The following ARHGEF4 variants were observed in gnomAD, a reference collection of about 807,000 sequenced individuals.
ARHGEF4 encodes the protein APC-stimulated guanine nucleotide exchange factor 1.
ARHGEF4 carries 119 observed loss-of-function variants against 162.0 expected under a neutral mutation model. The ratio of observed to expected loss-of-function variants is 0.73; its 90% CI spans 0.63 to 0.86. ARHGEF4 has a LOEUF of 0.86. Ranked by LOEUF, ARHGEF4 falls within the 40% of genes least tolerant of loss-of-function variation. The pLI is 0.00. For missense variants in ARHGEF4, 2,488 were observed against 2,456.0 expected, an observed-to-expected ratio of 1.01 and a Z score of -0.28; for synonymous variants, 1,014 against 979.9, an observed-to-expected ratio of 1.03 and a Z score of -0.65.
chr2:130,987,704 C>T (rs112301582), intron 4 of ARHGEF4, among the ~76,000 whole-genome samples: 5,070 of 152,280 alleles, frequency 0.033, 224 homozygotes, highest in African/African-American at 0.11. Context: ...GCTGGCATCA[C>T]CTCTCACTGG....
intron 4 of ARHGEF4, among the ~76,000 whole-genome samples, chr2:130,962,587 G>A (rs1684692255): frequency 6.6e-6 from 1 of 152,140 alleles, no homozygotes. Context: ...AGAGCTTGGA[G>A]CACATATAGC....
At chr2:130,875,659 C>G (rs1472450699) in intron 1 of ARHGEF4, among the ~76,000 whole-genome samples, 1 of 152,216 alleles carries the variant, frequency 6.6e-6, no homozygotes, top group Non-Finnish European at 1.5e-5. Flanking sequence ...CAAATCACCT[C>G]TTAGATTTCG....
At chr2:131,026,881 G>A (rs1030968435) in intron 4 of ARHGEF4, among the ~76,000 whole-genome samples, 1 of 152,176 alleles carries the variant, frequency 6.6e-6, no homozygotes, top group African/African-American at 2.4e-5. Flanking sequence ...TTCACACCAG[G>A]GGTGGTGATT....
chr2:130,876,485 CG>C (rs1678853631), intron 1 of ARHGEF4, among the ~76,000 whole-genome samples: 1 of 152,052 alleles, frequency 6.6e-6, no homozygotes. Context: ...TCCGCCTCCT[CG>C]GTTCACGCCA....
At chr2:130,974,701 A>G (rs61329799) in intron 4 of ARHGEF4, among the ~76,000 whole-genome samples, 32,919 of 151,386 alleles carry the variant, frequency 0.22, 3,889 homozygotes, top group South Asian at 0.32. Context: ...AGCTCAAGCA[A>G]TCCACCCGCC....
chr2:130,910,997 A>G (rs929920558), intron 1 of ARHGEF4, among the ~76,000 whole-genome samples: 1 of 152,240 alleles, frequency 6.6e-6, no homozygotes, highest in Non-Finnish European at 1.5e-5. Flanking sequence ...TGAATGACAC[A>G]TAGGAAAGTG....
chr2:130,992,883 AGACCAGCCT>A (rs1279907224), intron 4 of ARHGEF4, among the ~76,000 whole-genome samples: 1 of 152,246 alleles, frequency 6.6e-6, no homozygotes, highest in Non-Finnish European at 1.5e-5. Flanking sequence ...CAGGGATTCG[AGACCAGCCT>A]GGCCAGCATG....
At chr2:130,941,143 A>T (rs1335837732) in intron 3 of ARHGEF4, among the ~76,000 whole-genome samples, 1 of 152,166 alleles carries the variant, frequency 6.6e-6, no homozygotes, top group Non-Finnish European at 1.5e-5. Flanking sequence ...ACGGATATTC[A>T]GTTGGCCCTT....
At chr2:130,920,962 C>G (rs368042225) in intron 2 of ARHGEF4, among the ~76,000 whole-genome samples, 62 of 152,234 alleles carry the variant, frequency 4.1e-4, no homozygotes, top group African/African-American at 1.5e-3. Flanking sequence ...ACTGGATGAC[C>G]TCCACCAGGT....
At chr2:131,030,373 G>A (rs2105374091) in intron 5 of ARHGEF4, among the ~76,000 whole-genome samples, 1 of 152,316 alleles carries the variant, frequency 6.6e-6, no homozygotes, top group African/African-American at 2.4e-5. Flanking sequence ...TGAGGGAAAG[G>A]CAGGCAATTT....
chr2:130,883,748 G>T (rs981404140), intron 1 of ARHGEF4, among the ~76,000 whole-genome samples: 3 of 152,048 alleles, frequency 2.0e-5, no homozygotes, highest in Admixed American at 2.0e-4. Flanking sequence ...GCAGCCGTGG[G>T]CACACTGGTC....
chr2:131,041,531 T>C (rs1256027389), intron 9 of ARHGEF4, 69 bp downstream of exon 9: 2 of 1,488,270 alleles, frequency 1.3e-6, no homozygotes, highest in Non-Finnish European at 1.8e-6. Flanking sequence ...GTTTGAGCAT[T>C]AGCAGTGTGC....
chr2:130,959,419 G>C (rs1457330019), intron 4 of ARHGEF4, among the ~76,000 whole-genome samples: 7 of 152,214 alleles, frequency 4.6e-5, no homozygotes, highest in Non-Finnish European at 7.3e-5. Context: ...TTCAAAGCAT[G>C]AGTGGCGAGC....
intron 1 of ARHGEF4, among the ~76,000 whole-genome samples, chr2:130,889,716 G>A (rs1036052923): frequency 6.3e-4 from 95 of 149,910 alleles, no homozygotes; most frequent in African/African-American, 2.2e-3. Context: ...GGAGGCTGAG[G>A]CAGGAGAATC....
chr2:130,951,511 C>A (rs1407220007), intron 4 of ARHGEF4, among the ~76,000 whole-genome samples: 1 of 152,168 alleles, frequency 6.6e-6, no homozygotes, highest in Non-Finnish European at 1.5e-5. Flanking sequence ...TTGGAACACA[C>A]AACATTTATT....
At chr2:130,865,573 A>G (rs1682211983) in intron 1 of ARHGEF4, among the ~76,000 whole-genome samples, 1 of 152,208 alleles carries the variant, frequency 6.6e-6, no homozygotes. Context: ...GTGATCTGCC[A>G]CAATCACATT....
intron 10 of ARHGEF4, 129 bp downstream of exon 10, chr2:131,042,073 C>A: frequency 7.5e-7 from 1 of 1,336,968 alleles, no homozygotes; most frequent in South Asian, 1.5e-5. Flanking sequence ...GCAACAGATG[C>A]TCATGGTGTG....
intron 2 of ARHGEF4, among the ~76,000 whole-genome samples, chr2:130,923,885 CT>C (rs11377085): frequency 0.042 from 5,941 of 140,956 alleles, 387 homozygotes; most frequent in African/African-American, 0.14. Flanking sequence ...CTTTTCTTTT[CT>C]TTTTTTTTTT....
Position 130,899,648 on chromosome 2 carries a change from G to A in ARHGEF4, c.40-14338G>A, listed in dbSNP as rs13028072. Among the ~76,000 whole-genome samples the A allele has an allele frequency of 8.5e-3, 1,292 of 152,308 alleles. 7 individuals are homozygous for A. Among genetic ancestry groups the A allele is most frequent in the Non-Finnish European group, 0.015 (1,034 of 68,028 alleles). On this transcript the variant is annotated intron_variant, in intron 1 of 13. Coordinates refer to ENST00000409359, the MANE Select transcript of ARHGEF4 (RefSeq NM_001367493.1). ...GGAGCCTTTGGGAAGCTCATCTGATGGTGCTCTGGGGATGGAGAGGACTGT... is the reference window on the plus strand; with the variant it reads ...GGAGCCTTTGGGAAGCTCATCTGATAGTGCTCTGGGGATGGAGAGGACTGT...
Sources: gnomAD v4.1 joint callset for allele counts (sites outside exome capture counted in the v4.1 genomes callset) on GRCh38, gnomAD v4.1.1 for gene constraint, MANE v1.5 for transcripts, NCBI Gene and HGNC (gene_info 2026-07-23, HGNC 2026-07-21) for gene names.